The following IFIH1 variants were observed in gnomAD, a reference collection of about 807,000 sequenced individuals.
The protein encoded by IFIH1 is interferon induced with helicase C domain 1.
A neutral mutation model predicts 107.4 loss-of-function variants in IFIH1; 125 were observed. The ratio of observed to expected loss-of-function variants is 1.16; its 90% CI spans 1.01 to 1.35. The LOEUF is 1.35. Among genes scored for constraint, IFIH1 ranks in the 40% most tolerant of loss-of-function variants. The pLI, the probability that IFIH1 is intolerant of heterozygous loss-of-function variation, is 0.00. For synonymous variants in IFIH1, 458 were observed against 413.2 expected, an observed-to-expected ratio of 1.11 and a Z score of -1.31; for missense variants, 1,333 against 1,213.7, an observed-to-expected ratio of 1.10 and a Z score of -1.46.
chr2:162,313,510 A>T lies in IFIH1; in HGVS notation c.454-2577T>A, dbSNP rs937952388. 7.2e-5 allele frequency among the ~76,000 whole-genome samples: 11 copies of T among 152,322 alleles called. No individual in the cohort carries two copies. In the South Asian group the frequency reaches 2.1e-3, roughly 29 times the overall value. On this transcript the variant is annotated intron_variant, in intron 1 of 15. Coordinates refer to ENST00000649979, the MANE Select transcript of IFIH1 (RefSeq NM_022168.4). ...ATGCTTTCATATTCTAAATTCTTTG[A>T]TATGTTTTTTCTTTCCAACAGAAAT...
At chr2:162,298,092 C>T (rs1683125971) in intron 3 of IFIH1, among the ~76,000 whole-genome samples, 1 of 152,010 alleles carries the variant, frequency 6.6e-6, no homozygotes, top group East Asian at 1.9e-4. Context: ...GGTTGAAGGC[C>T]TTTTTAGATC....
chr2:162,272,726 C>A (rs1463441024), intron 12 of IFIH1, among the ~76,000 whole-genome samples: 1 of 152,084 alleles, frequency 6.6e-6, no homozygotes, highest in African/African-American at 2.4e-5. Context: ...GAGGAGTCGT[C>A]TTTCTTGGTA....
At chr2:162,315,850 T>C (rs2105235362) in intron 1 of IFIH1, among the ~76,000 whole-genome samples, 1 of 152,348 alleles carries the variant, frequency 6.6e-6, no homozygotes, top group South Asian at 2.1e-4. Flanking sequence ...ATAATACATG[T>C]AAATGATGCA....
At chr2:162,302,228 C>T (rs1683205855) in intron 3 of IFIH1, among the ~76,000 whole-genome samples, 1 of 152,130 alleles carries the variant, frequency 6.6e-6, no homozygotes, top group South Asian at 2.1e-4. Flanking sequence ...AAAACACACA[C>T]ACACACATAA....
At position 162,310,839 on chromosome 2, in the gene IFIH1, T is replaced by G; in HGVS notation, c.548A>C (p.Asn183Thr). 6.2e-7 allele frequency: 1 copy of G among 1,613,590 alleles called. No individual in the cohort carries two copies. Residue 183 changes from asparagine (N) to threonine (T), a missense_variant, in exon 2 of 16, where the codon AAT (asparagine) becomes ACT (threonine). Transcript: ENST00000649979. ...QKENWFSAFL[N>T]VLRQTGNNEL... is the part of the protein sequence containing the mutation. ...ATTGTTTCCTGTTTGACGAAGAACA[T>G]TCAGAAATGCAGAGAACCAGTTTTC...
In IFIH1 at chr2:162,267,346, C is replaced by T; in HGVS notation, c.2932G>A (p.Asp978Asn). ...TTCCTTATTTTGAGACAAGGCAAATCTAAGCCTTTGTGCACCATCATTGTT... is the reference window on the plus strand; with the variant it reads ...TTCCTTATTTTGAGACAAGGCAAATTTAAGCCTTTGTGCACCATCATTGTT... Reference protein sequence around the residue: ...WGTMMVHKGLDLPCLKIRNFV... With the variant: ...WGTMMVHKGLNLPCLKIRNFV... Residue 978 changes from aspartate (D) to asparagine (N), a missense_variant, in exon 16 of 16, where the codon GAT (aspartate) becomes AAT (asparagine). Physicochemically the swap from Asp to Asn is conservative, Grantham distance 23. Coordinates refer to ENST00000649979, the MANE Select transcript of IFIH1 (RefSeq NM_022168.4). 1 of 1,613,552 alleles carries T rather than the reference C, an allele frequency of 6.2e-7. No individual in the cohort carries two copies. Among genetic ancestry groups the T allele is most frequent in the East Asian group, 2.2e-5 (1 of 44,878 alleles).
rs752544919 is a variant in IFIH1 at position 162,282,521 on chromosome 2, C to A, written c.1151G>T (p.Trp384Leu). 1.2e-6 allele frequency: 2 copies of A among 1,611,562 alleles called. No homozygotes were observed. Among genetic ancestry groups the A allele is most frequent in the Non-Finnish European group, 1.7e-6 (2 of 1,178,654 alleles). Residue 384 changes from tryptophan to leucine, a missense_variant, in exon 6 of 16, where the codon TGG (tryptophan) becomes TTG (leucine). Coordinates refer to ENST00000649979, the MANE Select transcript of IFIH1 (RefSeq NM_022168.4). The part of the protein sequence containing the change: ...RKEFQPFLKK[W>L]YRVIGLSGDT... ...ACCACTTAATCCAATAACACGATAC[C>A]ATTTCTTCAAAAATGGTTGGAACTC... is the stretch of plus-strand genomic sequence containing the variant.
Position 162,306,737 on chromosome 2 carries a change from T to C in IFIH1, c.741A>G (p.Ser247=), listed in dbSNP as rs2105226749. The change falls in exon 3 of 16, where the codon TCA becomes TCG. Residue 247 remains serine, a synonymous_variant. Coordinates refer to ENST00000649979, the MANE Select transcript of IFIH1 (RefSeq NM_022168.4). ...VWGMENNSSE[S]SFADSSVVSE... ...AAACTACAGAAGAATCTGCAAAAGATGATTCTGATGAGTTATTCTCCATGC... is the reference window on the plus strand; with the variant it reads ...AAACTACAGAAGAATCTGCAAAAGACGATTCTGATGAGTTATTCTCCATGC... The C allele has an allele frequency of 6.2e-7, 1 of 1,613,882 alleles. No homozygotes were observed.
In IFIH1 at chr2:162,273,926, T is replaced by C. The variant is rs1691096839; in HGVS notation, c.2323A>G (p.Ile775Val). 1.2e-6 allele frequency: 2 copies of C among 1,604,212 alleles called. No homozygotes were observed. Among genetic ancestry groups the C allele is most frequent in the South Asian group, 1.1e-5 (1 of 90,138 alleles). Residue 775 changes from isoleucine to valine, a missense_variant, in exon 12 of 16, where the codon ATT becomes GTT. Ile to Val is a conservative substitution (Grantham distance 29). Transcript: ENST00000649979. ...PMTQNEQKEV[I>V]SKFRTGKINL... The stretch of plus-strand genomic sequence containing the variant: ...ATTTTTCCAGTGCGAAATTTACTAA[T>C]GACTTCTTTTTGTTCATTCTGTAGA...
chr2:162,314,444 C>CT (rs1412650602), intron 1 of IFIH1, among the ~76,000 whole-genome samples: 1 of 100,186 alleles, frequency 1.0e-5, no homozygotes, highest in South Asian at 3.5e-4. Flanking sequence ...TTCTTTCTTT[C>CT]TTTCTTTCTT....
chr2:162,268,009 T>G (rs1442973609), intron 14 of IFIH1, 78 bp downstream of exon 14: 3 of 953,048 alleles, frequency 3.1e-6, no homozygotes, highest in African/African-American at 1.7e-5. Context: ...TCATTTGCAC[T>G]ATTTTGAAAG....
intron 1 of IFIH1, among the ~76,000 whole-genome samples, chr2:162,311,782 A>G (rs1683388543): frequency 6.6e-6 from 1 of 152,160 alleles, no homozygotes; most frequent in Admixed American, 6.5e-5. Context: ...TTTCTGTGGC[A>G]TTAGGCAATT....
rs529295256 is a variant in IFIH1 at position 162,307,030 on chromosome 2, T to C, written c.623-175A>G. 3.5e-5 allele frequency: 19 copies of C among 535,312 alleles called. No homozygotes were observed. In the Admixed American group the frequency reaches 5.4e-4, roughly 15 times the overall value. 33.2% of individuals were successfully genotyped at this position (535,312 alleles called of 1,614,324 possible). On this transcript the variant is annotated intron_variant, in intron 2 of 15. Transcript: ENST00000649979. ...ATGTAAATTGTATTGCAATGCAAGA[T>C]TTTATACAATATAAATAGCTGTTAT...
At chr2:162,302,430 G>A (rs1391170095) in intron 3 of IFIH1, among the ~76,000 whole-genome samples, 1 of 151,906 alleles carries the variant, frequency 6.6e-6, no homozygotes, top group African/African-American at 2.4e-5. Flanking sequence ...TTTTTTCAGT[G>A]CTATCTTGGC....
rs193149001 is a variant in IFIH1 at position 162,273,786 on chromosome 2, T to C, written c.2454+9A>G. The C allele has an allele frequency of 3.0e-4, 460 of 1,531,988 alleles. 1 individual carries two copies. In the East Asian group the frequency reaches 7.6e-3, roughly 25 times the overall value. 94.9% of individuals were successfully genotyped at this position (1,531,988 alleles called of 1,614,324 possible). On this transcript the variant is annotated intron_variant, in intron 12 of 15. Coordinates refer to ENST00000649979, the MANE Select transcript of IFIH1 (RefSeq NM_022168.4). ...AATTAACATAGTAAGTAGAGGTATT[T>C]GAATGTACCTGGACCATGGCTATTT...
chr2:162,290,668 A>G (rs12475321), intron 4 of IFIH1, among the ~76,000 whole-genome samples: 5,231 of 152,072 alleles, frequency 0.034, 442 homozygotes, highest in Admixed American at 0.21. Flanking sequence ...ACACAAAAAT[A>G]CCTGGTTAGA....
intron 3 of IFIH1, among the ~76,000 whole-genome samples, chr2:162,305,887 A>C (rs1017999834): frequency 6.6e-6 from 1 of 152,242 alleles, no homozygotes; most frequent in Admixed American, 6.5e-5. Flanking sequence ...GCCACTGCAC[A>C]GCTCTTCCCA....
intron 4 of IFIH1, among the ~76,000 whole-genome samples, chr2:162,291,436 G>A (rs912182024): frequency 6.6e-6 from 1 of 151,300 alleles, no homozygotes; most frequent in African/African-American, 2.4e-5. Flanking sequence ...AGGCCAATAT[G>A]TATTGCCAAA....
intron 1 of IFIH1, 83 bp from the exon 2 acceptor site, chr2:162,311,016 G>A (rs1331231462): frequency 2.0e-6 from 2 of 1,001,850 alleles, no homozygotes; most frequent in African/African-American, 1.6e-5. Flanking sequence ...TAGAAAAACT[G>A]AGCAATTAAG....
Sources: allele counts gnomAD v4.1 joint callset (sites outside exome capture counted in the v4.1 genomes callset), GRCh38; gene constraint gnomAD v4.1.1; transcripts MANE v1.5; gene names NCBI Gene and HGNC (gene_info 2026-07-23, HGNC 2026-07-21).